KAZN: variants seen among roughly 807,000 people sequenced by gnomAD.
The protein encoded by KAZN is kazrin.
Under a neutral mutation model 87.4 loss-of-function variants are expected in KAZN, and 40 were observed. The ratio of observed to expected loss-of-function variants is 0.46; its 90% CI spans 0.36 to 0.60. The LOEUF is 0.60. KAZN is among the 20% of genes least tolerant of loss of function. The pLI is 0.00. For synonymous variants in KAZN, 466 were observed against 458.3 expected, an observed-to-expected ratio of 1.02 and a Z score of -0.22; for missense variants, 898 against 1,073.9, an observed-to-expected ratio of 0.84 and a Z score of 2.29.
chr1:14,819,669 C>A (rs1646678150), intron 1 of KAZN, among the ~76,000 whole-genome samples: 1 of 151,654 alleles, frequency 6.6e-6, no homozygotes, highest in Non-Finnish European at 1.5e-5. Flanking sequence ...CTTGCGAGTC[C>A]CCACCATCAT....
rs566477810 is a variant in KAZN at position 13,985,562 on chromosome 1, G to T, written c.91+91806G>T. ...CACACTCTGGGGACTGTTGTGGGGT[G>T]GGGGGAGGGGGGAGGGATAGCATTG... is the stretch of plus-strand genomic sequence containing the variant. On this transcript the variant is annotated intron_variant, in intron 1 of 16. Coordinates refer to the KAZN transcript ENST00000636203. 6.1e-4 allele frequency among the ~76,000 whole-genome samples: 72 copies of T among 117,652 alleles called. No homozygotes were observed. In the East Asian group the frequency reaches 0.021, roughly 34 times the overall value. The allele number at this position is 117,652 out of a possible 152,430, so 77.2% of individuals were successfully genotyped here.
intron 2 of KAZN, among the ~76,000 whole-genome samples, chr1:14,529,022 G>A (rs528862900): frequency 6.6e-5 from 10 of 151,682 alleles, no homozygotes; most frequent in East Asian, 5.9e-4. Context: ...ATTGTCTTTC[G>A]GCCCGGCGCG....
At chr1:14,536,381 G>T (rs1026261191) in intron 2 of KAZN, among the ~76,000 whole-genome samples, 14 of 152,126 alleles carry the variant, frequency 9.2e-5, no homozygotes, top group Non-Finnish European at 1.5e-5. Context: ...GGAGGCTCTG[G>T]TACTATTTTG....
chr1:14,332,420 A>C (rs1041625069), intron 2 of KAZN, among the ~76,000 whole-genome samples: 8 of 152,198 alleles, frequency 5.3e-5, no homozygotes, highest in Admixed American at 1.3e-4. Context: ...AGCATTTCAG[A>C]GACAGGAATG....
At chr1:14,759,400 C>T (rs2100536553) in intron 1 of KAZN, among the ~76,000 whole-genome samples, 1 of 152,308 alleles carries the variant, frequency 6.6e-6, no homozygotes, top group African/African-American at 2.4e-5. Context: ...CTCCCACCCC[C>T]TGTTGGAGAG....
At chr1:13,898,240 C>A (rs1557707182) in intron 1 of KAZN, among the ~76,000 whole-genome samples, 1 of 152,220 alleles carries the variant, frequency 6.6e-6, no homozygotes, top group Non-Finnish European at 1.5e-5. Context: ...TGTCTATATT[C>A]TCCTGGGTTC....
rs74848873 is a variant in KAZN at position 13,921,632 on chromosome 1, AT to A, written c.91+27887del. Among the ~76,000 whole-genome samples the A allele has an allele frequency of 7.9e-3, 1,156 of 145,856 alleles. 83 individuals are homozygous for A. In the East Asian group the frequency reaches 0.15, roughly 19 times the overall value. ...CCTGCCTTGCACTATAGTTGTTTGC[AT>A]TTTTTTTTTTGAAATGGAGTCTTGC... On this transcript the variant is annotated intron_variant, in intron 1 of 16. Transcript: ENST00000636203.
At chr1:14,354,442 T>TA (rs752344522) in intron 2 of KAZN, among the ~76,000 whole-genome samples, 11 of 152,186 alleles carry the variant, frequency 7.2e-5, no homozygotes, top group Middle Eastern at 3.4e-3. Context: ...TCAGAATATG[T>TA]AAAAAATGCT....
chr1:14,417,736 C>T (rs1246174968), intron 2 of KAZN, among the ~76,000 whole-genome samples: 1 of 151,962 alleles, frequency 6.6e-6, no homozygotes, highest in Non-Finnish European at 1.5e-5. Context: ...GTGGCTCACC[C>T]CTGTTATCCC....
intron 1 of KAZN, among the ~76,000 whole-genome samples, chr1:14,859,595 T>C (rs1303879578): frequency 6.6e-6 from 1 of 152,204 alleles, no homozygotes; most frequent in Non-Finnish European, 1.5e-5. Context: ...CCAAATCTGA[T>C]TATCACTCAC....
At chr1:14,671,235 A>G (rs781710364) in intron 1 of KAZN, among the ~76,000 whole-genome samples, 8 of 152,172 alleles carry the variant, frequency 5.3e-5, no homozygotes, top group Non-Finnish European at 1.2e-4. Context: ...TTTAACTTAC[A>G]TGTCTTACTT....
intron 1 of KAZN, among the ~76,000 whole-genome samples, chr1:14,954,699 G>A (rs1458603132): frequency 6.6e-6 from 1 of 152,216 alleles, no homozygotes; most frequent in Non-Finnish European, 1.5e-5. Context: ...GCTCACACCT[G>A]TAATCCCAGC....
intron 1 of KAZN, among the ~76,000 whole-genome samples, chr1:14,801,592 C>T (rs1646025098): frequency 6.6e-6 from 1 of 152,140 alleles, no homozygotes; most frequent in Non-Finnish European, 1.5e-5. Flanking sequence ...CTCAGGAGGG[C>T]TATGACGGCC....
intron 1 of KAZN, among the ~76,000 whole-genome samples, chr1:13,919,648 G>A (rs1384402813): frequency 3.9e-5 from 6 of 152,114 alleles, no homozygotes; most frequent in African/African-American, 1.4e-4. Context: ...GTTTGTTCAA[G>A]GCTTTTGTCC....
chr1:14,194,794 C>T lies in KAZN; in HGVS notation c.249+14202C>T, dbSNP rs543940992. 1.4e-4 allele frequency among the ~76,000 whole-genome samples: 22 copies of T among 152,226 alleles called. No homozygotes were observed. The South Asian group carries it at 4.6e-3, about 32-fold the overall frequency. On this transcript the variant is annotated intron_variant, in intron 2 of 16. Transcript: ENST00000636203. Reference sequence around the variant, plus strand: ...AGCAGCTGAAGGGAGGGGAGGGGGACATGAGCCACCACTTTCTAGAGGAGT... The same window carrying T: ...AGCAGCTGAAGGGAGGGGAGGGGGATATGAGCCACCACTTTCTAGAGGAGT...
At position 15,064,978 on chromosome 1, in the gene KAZN, A is replaced by G. The variant is rs1268943313; in HGVS notation, c.1099-652A>G. ...ACAAATGACCACAGCTGCTCACTGT[A>G]CTGAATGCCTGTGGCACACCAGACA... On this transcript the variant is annotated intron_variant, in intron 7 of 14. Transcript: ENST00000376030. Among the ~76,000 whole-genome samples the G allele has an allele frequency of 3.3e-5, 5 of 151,396 alleles. 1 individual carries two copies.
chr1:14,023,218 G>A (rs2101272587), intron 1 of KAZN, among the ~76,000 whole-genome samples: 1 of 152,268 alleles, frequency 6.6e-6, no homozygotes, highest in South Asian at 2.1e-4. Context: ...AGCTACTTGG[G>A]AGGCTGGGCA....
chr1:14,255,721 G>A (rs1477245213), intron 2 of KAZN, among the ~76,000 whole-genome samples: 2 of 152,224 alleles, frequency 1.3e-5, no homozygotes, highest in African/African-American at 4.8e-5. Flanking sequence ...CCCTTTACAA[G>A]TGTGACATCG....
chr1:14,468,403 C>G (rs909908428), intron 2 of KAZN, among the ~76,000 whole-genome samples: 3 of 152,142 alleles, frequency 2.0e-5, no homozygotes, highest in Non-Finnish European at 2.9e-5. Context: ...ACCCCAGGAA[C>G]TACATGGGGC....
Sources: allele counts gnomAD v4.1 joint callset (sites outside exome capture counted in the v4.1 genomes callset), GRCh38; gene constraint gnomAD v4.1.1; transcripts MANE v1.5; gene names NCBI Gene and HGNC (gene_info 2026-07-23, HGNC 2026-07-21).